The following BIN1 variants were observed in gnomAD, a reference collection of about 807,000 sequenced individuals.
BIN1 encodes the protein myc box-dependent-interacting protein 1.
In BIN1, 53 loss-of-function variants were observed where a neutral mutation model predicts 82.0. The observed-to-expected ratio is 0.65, with a 90% CI of 0.52 to 0.81. BIN1 has a LOEUF of 0.81. BIN1 is among the 40% of genes least tolerant of loss of function. The pLI is 0.00. For missense variants in BIN1, 642 were observed against 784.4 expected (o/e 0.82, Z 2.17); for synonymous variants, 302 against 328.0 (o/e 0.92, Z 0.86).
In BIN1 at chr2:127,106,985, C is replaced by T. The variant is rs769310345; in HGVS notation, c.-42G>A. On this transcript the variant is annotated 5_prime_UTR_variant, in exon 1 of 19. Coordinates refer to ENST00000316724, the MANE Select transcript of BIN1 (RefSeq NM_139343.3). ...CCCGGTGGCAGGGGCCGCTCTCGCG[C>T]GGGGAGATCTTGCGCGCCGCGCTCC... The T allele has an allele frequency of 7.0e-6, 11 of 1,580,282 alleles. No homozygotes were observed. Among genetic ancestry groups the T allele is most frequent in the Admixed American group, 1.7e-5 (1 of 57,572 alleles).
At chr2:127,085,809 T>C (rs1678076291) in intron 1 of BIN1, among the ~76,000 whole-genome samples, 1 of 152,146 alleles carries the variant, frequency 6.6e-6, no homozygotes, top group Non-Finnish European at 1.5e-5. Flanking sequence ...CCCCCATACC[T>C]GGGGCCCCCA....
At chr2:127,074,712 T>C (rs1249061856) in intron 2 of BIN1, among the ~76,000 whole-genome samples, 1 of 152,148 alleles carries the variant, frequency 6.6e-6, no homozygotes, top group East Asian at 1.9e-4. Context: ...TGTTTGTTTG[T>C]TTGTTTTGAG....
chr2:127,106,729 CG>C, intron 1 of BIN1, 130 bp downstream of exon 1: 2 of 1,142,124 alleles, frequency 1.8e-6, no homozygotes, highest in Non-Finnish European at 2.4e-6. Context: ...CCCTCGAAAG[CG>C]CTCCTCTAGA....
chr2:127,073,651 CG>C (rs1573668792), intron 2 of BIN1, among the ~76,000 whole-genome samples: 1 of 152,192 alleles, frequency 6.6e-6, no homozygotes, highest in Non-Finnish European at 1.5e-5. Flanking sequence ...GCCATCAATT[CG>C]GGGGGCGACC....
At chr2:127,058,943 A>G (rs1684066026) in intron 11 of BIN1, 68 bp downstream of exon 11, 1 of 1,542,426 alleles carries the variant, frequency 6.5e-7, no homozygotes, top group East Asian at 2.4e-5. Context: ...GGGAGGATGG[A>G]GGACAACAGC....
intron 14 of BIN1, chr2:127,052,640 TTC>T: frequency 2.1e-6 from 1 of 483,366 alleles, no homozygotes; most frequent in Non-Finnish European, 3.7e-6. Context: ...GGCTGGCTCT[TTC>T]TGGCTTCCTC....
chr2:127,095,570 T>A (rs1679488049), intron 1 of BIN1, among the ~76,000 whole-genome samples: 1 of 152,158 alleles, frequency 6.6e-6, no homozygotes. Context: ...TTGAAGACAA[T>A]GAAGACATCT....
At position 127,052,355 on chromosome 2, in the gene BIN1, TCTGTGGGCTGGTAACAGG is replaced by T. The variant is rs776737413; in HGVS notation, c.1264-11_1270del. Reference sequence around the variant, plus strand: ...GGAAGGCAGGCTGCCGGCTGGACTCTCTGTGGGCTGGTAACAGGCCACGAGGAGAGAACAGGGAGGGGG... The same window carrying T: ...GGAAGGCAGGCTGCCGGCTGGACTCTCCACGAGGAGAGAACAGGGAGGGGG... On this transcript the variant is annotated splice_acceptor_variant and splice_polypyrimidine_tract_variant and coding_sequence_variant and intron_variant, in exon 15 of 19. Transcript: ENST00000316724. LOFTEE classifies it high-confidence loss of function. 349 of 1,578,294 alleles carry T rather than the reference TCTGTGGGCTGGTAACAGG, an allele frequency of 2.2e-4. 1 individual carries two copies. Among genetic ancestry groups the T allele is most frequent in the Middle Eastern group, 1.7e-4 (1 of 5,750 alleles).
chr2:127,054,416 C>T (rs1171933687), intron 12 of BIN1: 2 of 271,678 alleles, frequency 7.4e-6, no homozygotes, highest in South Asian at 4.1e-5. Context: ...CCGCTCCCTG[C>T]GCCAAGAGTT....
chr2:127,084,365 C>T (rs1453922097), intron 1 of BIN1, among the ~76,000 whole-genome samples: 4 of 152,208 alleles, frequency 2.6e-5, no homozygotes, highest in Admixed American at 2.0e-4. Flanking sequence ...CTTCGTTTTG[C>T]GTTCGTGATT....
chr2:127,053,495 A>T (rs760718492), intron 13 of BIN1, 50 bp from the exon 14 acceptor site: 1 of 1,607,112 alleles, frequency 6.2e-7, no homozygotes, highest in South Asian at 1.1e-5. Flanking sequence ...GAGGTTAGAG[A>T]CAGGGCGGCA....
chr2:127,066,682 A>G (rs368899429), intron 7 of BIN1, among the ~76,000 whole-genome samples: 4 of 152,070 alleles, frequency 2.6e-5, no homozygotes, highest in Non-Finnish European at 5.9e-5. Context: ...CTGGTTCCCC[A>G]TGGGCACCCT....
chr2:127,088,991 A>T (rs4663094), intron 1 of BIN1, among the ~76,000 whole-genome samples: 2 of 151,936 alleles, frequency 1.3e-5, no homozygotes, highest in Non-Finnish European at 1.5e-5. Flanking sequence ...GGGGGCAGGG[A>T]GGACCAGGAG....
rs571251362 is a variant in BIN1, at chr2:127,070,247, C to T, written c.316-157G>A. Among the ~76,000 whole-genome samples, 6 of 152,342 alleles carry T rather than the reference C, an allele frequency of 3.9e-5. 1 individual carries two copies. In the South Asian group the frequency reaches 1.2e-3, roughly 32 times the overall value. On this transcript the variant is annotated intron_variant, in intron 4 of 18. Transcript: ENST00000316724. ...CATCTGTAAGATGGGGGCAAATGTT[C>T]CTGCCCTATTGGGGTGACTGTGAGG...
chr2:127,099,860 G>A (rs1680088058), intron 1 of BIN1, among the ~76,000 whole-genome samples: 1 of 150,758 alleles, frequency 6.6e-6, no homozygotes, highest in African/African-American at 2.4e-5. Context: ...CCGGAGTGCA[G>A]TGGTGTGATC....
intron 1 of BIN1, among the ~76,000 whole-genome samples, chr2:127,080,664 C>T (rs1687172478): frequency 6.9e-6 from 1 of 144,332 alleles, no homozygotes; most frequent in Non-Finnish European, 1.5e-5. Flanking sequence ...ATCAGTGCCA[C>T]ACCCAATCAC....
At chr2:127,062,489 C>T (rs1684632770) in intron 9 of BIN1, among the ~76,000 whole-genome samples, 1 of 152,250 alleles carries the variant, frequency 6.6e-6, no homozygotes, top group Admixed American at 6.5e-5. Flanking sequence ...ACTGTTTTTA[C>T]ATTTTTCTCT....
At chr2:127,072,545 C>T (rs72959016) in intron 2 of BIN1, among the ~76,000 whole-genome samples, 10,706 of 152,006 alleles carry the variant, frequency 0.07, 610 homozygotes, top group African/African-American at 0.15. Context: ...TGAATGCTTC[C>T]GTGTGACAGT....
intron 1 of BIN1, among the ~76,000 whole-genome samples, chr2:127,087,425 G>A (rs573119414): frequency 3.9e-5 from 6 of 152,358 alleles, no homozygotes; most frequent in South Asian, 2.1e-4. Flanking sequence ...AATTCCAGCC[G>A]GTTCTGTAGA....
Sources: allele counts gnomAD v4.1 joint callset (sites outside exome capture counted in the v4.1 genomes callset), GRCh38; gene constraint gnomAD v4.1.1; transcripts MANE v1.5; gene names NCBI Gene and HGNC (gene_info 2026-07-23, HGNC 2026-07-21).